RBM39: variants seen among roughly 807,000 people sequenced by gnomAD.
RBM39 encodes the protein RNA binding motif protein 39.
In RBM39, 12 loss-of-function variants were observed where a neutral mutation model predicts 79.6. The ratio of observed to expected loss-of-function variants is 0.15; its 90% CI spans 0.10 to 0.24. The LOEUF is 0.24. Ranked by LOEUF, RBM39 falls within the 10% of genes least tolerant of loss-of-function variation. The pLI is 1.00. For synonymous variants in RBM39, 185 were observed against 208.4 expected (o/e 0.89, Z 0.97); for missense variants, 243 against 653.4 (o/e 0.37, Z 6.85).
rs189052005 is a variant in RBM39 at position 35,737,882 on chromosome 20, G to A, written c.101+1086C>T. 5.2e-3 allele frequency among the ~76,000 whole-genome samples: 757 copies of A among 146,744 alleles called. 8 individuals carry two copies. The highest frequency in any genetic ancestry group is 8.0e-3 in the Admixed American group (116 of 14,580). ...AAAAAAAAAAAAAAAGGCCAGGCGC[G>A]GTGGCTCACACCTGTAATCCCAACA... On this transcript the variant is annotated intron_variant, in intron 3 of 16. Transcript: ENST00000253363.
chr20:35,706,199 G>A (rs973935483), intron 14 of RBM39, among the ~76,000 whole-genome samples: 2 of 152,300 alleles, frequency 1.3e-5, no homozygotes, highest in Non-Finnish European at 2.9e-5. Context: ...GTAGTTGGGC[G>A]TGGTGGTGTG....
chr20:35,712,668 T>C (rs2036586616), intron 12 of RBM39, among the ~76,000 whole-genome samples: 1 of 152,104 alleles, frequency 6.6e-6, no homozygotes, highest in African/African-American at 2.4e-5. Flanking sequence ...AGTAAAGCTT[T>C]TTTAAGTGCC....
intron 9 of RBM39, among the ~76,000 whole-genome samples, chr20:35,717,267 G>A (rs536855327): frequency 2.9e-4 from 43 of 149,934 alleles, no homozygotes; most frequent in South Asian, 6.3e-4. Context: ...ACAACAGAGC[G>A]AGACTTGGTC....
At position 35,714,327 on chromosome 20, in the gene RBM39, T is replaced by G. The variant is rs2036837219; in HGVS notation, c.954A>C (p.Gly318=). The stretch of plus-strand genomic sequence containing the variant: ...TAACATGACCAACTTTCATTGGTCT[T>G]CCTGCTAGTTCAAATCCATTAAGTT... ...LEQLNGFELA[G]RPMKVGHVTE... The change falls in exon 11 of 17, where the codon GGA becomes GGC. Residue 318 remains glycine (G), a synonymous_variant. Coordinates refer to ENST00000253363, the MANE Select transcript of RBM39 (RefSeq NM_184234.3). The G allele has an allele frequency of 3.1e-6, 5 of 1,614,184 alleles. No individual in the cohort carries two copies. The highest frequency in any genetic ancestry group is 4.2e-6 in the Non-Finnish European group (5 of 1,180,008).
chr20:35,728,381 C>G (rs1012816065), intron 6 of RBM39, among the ~76,000 whole-genome samples: 1 of 152,146 alleles, frequency 6.6e-6, no homozygotes, highest in African/African-American at 2.4e-5. Context: ...ATACATGTAT[C>G]AAAACGTAAC....
In RBM39 at chr20:35,722,425, A is replaced by AAT. The variant is rs1400447186; in HGVS notation, c.688-549_688-548insAT. Among the ~76,000 whole-genome samples, 1,177 of 123,612 alleles carry AAT rather than the reference A, an allele frequency of 9.5e-3. 19 individuals are homozygous for AAT. Among genetic ancestry groups the AAT allele is most frequent in the African/African-American group, 0.034 (1,118 of 32,512 alleles). 81.1% of individuals were successfully genotyped at this position (123,612 alleles called of 152,430 possible). On this transcript the variant is annotated intron_variant, in intron 8 of 16. Coordinates refer to ENST00000253363, the MANE Select transcript of RBM39 (RefSeq NM_184234.3). Reference sequence around the variant, plus strand: ...CAGTCTCAAAAAAAATAAAAATAAAAAAAAAAATAAAAATAAAAAGTTTAT... The same window carrying AAT: ...CAGTCTCAAAAAAAATAAAAATAAAAATAAAAAAATAAAAATAAAAAGTTTAT...
intron 2 of RBM39, 159 bp downstream of exon 2, chr20:35,740,665 A>T: frequency 7.7e-7 from 1 of 1,291,062 alleles, no homozygotes; most frequent in Non-Finnish European, 1.1e-6. Flanking sequence ...ATATTATTAC[A>T]TCAATAGCAT....
intron 12 of RBM39, among the ~76,000 whole-genome samples, chr20:35,712,677 CCT>C (rs1303038078): frequency 6.6e-6 from 1 of 151,920 alleles, no homozygotes; most frequent in Non-Finnish European, 1.5e-5. Flanking sequence ...TTTTTAAGTG[CCT>C]CTGATATTTT....
chr20:35,732,837 C>T (rs45595739), intron 3 of RBM39: 15,673 of 152,242 alleles, frequency 0.1, 837 homozygotes, highest in South Asian at 0.14. Context: ...AATATTTTCA[C>T]ATTCAAGTAC....
intron 9 of RBM39, among the ~76,000 whole-genome samples, chr20:35,719,128 T>C (rs2037562105): frequency 6.6e-6 from 1 of 152,130 alleles, no homozygotes; most frequent in African/African-American, 2.4e-5. Context: ...ACTTGTTTTA[T>C]AAATCTTTCT....
chr20:35,737,997 T>TA (rs1254456229), intron 3 of RBM39, among the ~76,000 whole-genome samples: 49 of 135,710 alleles, frequency 3.6e-4, no homozygotes, highest in South Asian at 1.4e-3. Context: ...CTACTAAAAA[T>TA]AAAAAAAAAA....
intron 3 of RBM39, 158 bp from the exon 4 acceptor site, chr20:35,732,293 A>G: frequency 1.5e-6 from 1 of 688,170 alleles, no homozygotes; most frequent in Non-Finnish European, 2.4e-6. Flanking sequence ...AAAAAAAAAA[A>G]AATCCTGTAA....
intron 8 of RBM39, among the ~76,000 whole-genome samples, chr20:35,722,951 A>G (rs1206937192): frequency 6.6e-6 from 1 of 151,848 alleles, no homozygotes; most frequent in Non-Finnish European, 1.5e-5. Flanking sequence ...AAAAAAAAAA[A>G]AAAGTAAGCA....
At chr20:35,714,951 G>C (rs2425086) in intron 10 of RBM39, among the ~76,000 whole-genome samples, 2 of 151,906 alleles carry the variant, frequency 1.3e-5, no homozygotes, top group African/African-American at 4.8e-5. Context: ...AAAGTTACTA[G>C]AATAAAAAAA....
At chr20:35,705,351 C>T (rs1245456536) in intron 14 of RBM39, 21 bp from the exon 15 acceptor site, 2 of 1,255,950 alleles carry the variant, frequency 1.6e-6, no homozygotes, top group Non-Finnish European at 1.1e-6. Flanking sequence ...GTATTAAGGA[C>T]TCTTAAATAC....
At chr20:35,736,817 T>C (rs919937174) in intron 3 of RBM39, among the ~76,000 whole-genome samples, 11 of 151,700 alleles carry the variant, frequency 7.3e-5, no homozygotes, top group Non-Finnish European at 1.2e-4. Context: ...CACGCCCAGC[T>C]AATTTTTGTA....
rs576591158 is a variant in RBM39 at position 35,717,905 on chromosome 20, C to T, written c.826-1100G>A. ...ACGGAGTCTCGCTCTGTGGCGCAGG[C>T]TGGAGTGCAGTGGTGTGATCTTGGC... On this transcript the variant is annotated intron_variant, in intron 9 of 16. Transcript: ENST00000253363. Among the ~76,000 whole-genome samples the T allele has an allele frequency of 8.6e-5, 13 of 151,976 alleles. No individual in the cohort carries two copies. In the East Asian group the frequency reaches 2.5e-3, roughly 29 times the overall value.
intron 9 of RBM39, among the ~76,000 whole-genome samples, chr20:35,721,446 C>G (rs948112532): frequency 1.1e-4 from 17 of 152,172 alleles, no homozygotes; most frequent in Admixed American, 9.8e-4. Context: ...GCCTCAGCAC[C>G]CCAAGTAGCT....
rs1490487501 is a variant in RBM39, at chr20:35,740,856, T to C, written c.19A>G (p.Ile7Val). Residue 7 changes from isoleucine to valine, a missense_variant, in exon 2 of 17, where the codon ATT becomes GTT. Physicochemically the swap from Ile to Val is conservative, Grantham distance 29. Coordinates refer to ENST00000253363, the MANE Select transcript of RBM39 (RefSeq NM_184234.3). ...TAAGGAGCCTCAAGCATTGCTTCAA[T>C]ATCAATATCGTCTGCCATTTTCTCT... MADDID[I>V]EAMLEAPYKK... is the part of the protein sequence containing the mutation. 2 of 1,612,766 alleles carry C rather than the reference T, an allele frequency of 1.2e-6. No individual in the cohort carries two copies. Among genetic ancestry groups the C allele is most frequent in the Non-Finnish European group, 1.7e-6 (2 of 1,179,350 alleles).
Sources: allele counts gnomAD v4.1 joint callset (sites outside exome capture counted in the v4.1 genomes callset), GRCh38; gene constraint gnomAD v4.1.1; transcripts MANE v1.5; gene names NCBI Gene and HGNC (gene_info 2026-07-23, HGNC 2026-07-21).